Variants in DPP6 observed in about 807,000 individuals in gnomAD.
The protein encoded by DPP6 is A-type potassium channel modulatory protein DPP6.
DPP6 carries 69 observed loss-of-function variants against 122.6 expected under a neutral mutation model. That is an observed-to-expected ratio of 0.56 (90% CI 0.46 to 0.69). The LOEUF (loss-of-function observed/expected upper bound fraction) is 0.69, where lower values mean the gene tolerates loss of function less well. Among genes scored for constraint, DPP6 ranks in the 30% least tolerant of loss-of-function variants. DPP6 has a pLI of 0.00. For missense variants in DPP6, 928 were observed against 1,116.9 expected, an observed-to-expected ratio of 0.83 and a Z score of 2.41; for synonymous variants, 418 against 433.1, an observed-to-expected ratio of 0.97 and a Z score of 0.43.
intron 1 of DPP6, among the ~76,000 whole-genome samples, chr7:154,172,644 A>AGGATGGAC (rs57275590): frequency 0.32 from 47,164 of 147,450 alleles, 8,887 homozygotes; most frequent in African/African-American, 0.54. Context: ...GCTGTGACCC[A>AGGATGGAC]GGATGGACTG....
chr7:154,521,021 T>C (rs1315574576), intron 3 of DPP6, among the ~76,000 whole-genome samples: 3 of 152,228 alleles, frequency 2.0e-5, no homozygotes, highest in Non-Finnish European at 2.9e-5. Flanking sequence ...ATACTTGTTA[T>C]TGATTTGCTC....
At chr7:154,889,400 G>T in intron 24 of DPP6, 56 bp downstream of exon 24, 1 of 1,604,568 alleles carries the variant, frequency 6.2e-7, no homozygotes, top group Non-Finnish European at 8.5e-7. Context: ...CCTCCTTGAT[G>T]GCACCATGGG....
intron 1 of DPP6, among the ~76,000 whole-genome samples, chr7:153,933,162 A>G (rs1423402582): frequency 6.6e-6 from 1 of 152,228 alleles, no homozygotes; most frequent in African/African-American, 2.4e-5. Context: ...TCATAGCAGT[A>G]TGAAAATGGA....
At chr7:154,748,365 C>T (rs767110271) in intron 8 of DPP6, among the ~76,000 whole-genome samples, 9 of 152,178 alleles carry the variant, frequency 5.9e-5, no homozygotes, top group South Asian at 2.1e-4. Flanking sequence ...GAGCTCAGAT[C>T]GGGGGTCTCC....
intron 1 of DPP6, among the ~76,000 whole-genome samples, chr7:154,136,431 G>A (rs934714856): frequency 3.3e-5 from 5 of 152,198 alleles, no homozygotes; most frequent in African/African-American, 1.2e-4. Flanking sequence ...GTTGTTTGTA[G>A]TATGCAGTTT....
intron 1 of DPP6, among the ~76,000 whole-genome samples, chr7:153,966,271 G>GTGTTTGTGCACGTGTTCC (rs1403763782): frequency 1.9e-4 from 29 of 151,442 alleles, no homozygotes; most frequent in Admixed American, 1.7e-3. Context: ...ATTGCTTTGT[G>GTGTTTGTGCACGTGTTCC]TGTTTGTGCA....
At chr7:154,358,331 T>C (rs1192350543) in intron 1 of DPP6, among the ~76,000 whole-genome samples, 1 of 152,188 alleles carries the variant, frequency 6.6e-6, no homozygotes, top group Non-Finnish European at 1.5e-5. Context: ...ACCCAGTCTT[T>C]AGGACTTGAT....
chr7:154,216,467 T>G (rs945959430), intron 1 of DPP6, among the ~76,000 whole-genome samples: 5 of 152,166 alleles, frequency 3.3e-5, no homozygotes, highest in Non-Finnish European at 7.3e-5. Flanking sequence ...GAGCTCATGC[T>G]TGGTCCAAGG....
intron 1 of DPP6, among the ~76,000 whole-genome samples, chr7:154,304,933 G>A (rs2150985257): frequency 1.3e-5 from 2 of 152,270 alleles, no homozygotes; most frequent in South Asian, 4.1e-4. Flanking sequence ...ACCCGGGCGC[G>A]GCGCGGGGCC....
intron 1 of DPP6, among the ~76,000 whole-genome samples, chr7:154,438,322 T>A (rs1448488973): frequency 1.3e-5 from 2 of 151,238 alleles, no homozygotes; most frequent in Admixed American, 1.3e-4. Context: ...ACAAAAAAAT[T>A]AGCCGGGCGT....
intron 1 of DPP6, among the ~76,000 whole-genome samples, chr7:154,274,460 A>T (rs4129924): frequency 0.41 from 62,388 of 151,984 alleles, 14,830 homozygotes; most frequent in Middle Eastern, 0.53. Flanking sequence ...TCAGATCCAT[A>T]CACCCGCCCC....
chr7:154,120,251 T>C (rs1378844474), intron 1 of DPP6, among the ~76,000 whole-genome samples: 5 of 152,040 alleles, frequency 3.3e-5, no homozygotes, highest in African/African-American at 1.2e-4. Context: ...TCTCTTCTTT[T>C]TTTTTTTTTC....
chr7:154,108,075 G>A (rs991994819), intron 1 of DPP6, among the ~76,000 whole-genome samples: 1 of 152,186 alleles, frequency 6.6e-6, no homozygotes, highest in Non-Finnish European at 1.5e-5. Flanking sequence ...ATATAAAGGG[G>A]CACCTTGTCC....
At chr7:154,103,518 G>A (rs1036278874) in intron 1 of DPP6, among the ~76,000 whole-genome samples, 13 of 152,228 alleles carry the variant, frequency 8.5e-5, no homozygotes, top group Non-Finnish European at 1.8e-4. Flanking sequence ...CTGTTGCCGT[G>A]ATGGTGAATG....
chr7:154,300,730 G>A (rs1158981875), intron 1 of DPP6, among the ~76,000 whole-genome samples: 1 of 152,172 alleles, frequency 6.6e-6, no homozygotes. Flanking sequence ...GCTGTTTTCT[G>A]CTGACTGTGA....
chr7:154,427,029 C>G (rs1242124377), intron 1 of DPP6, among the ~76,000 whole-genome samples: 2 of 152,048 alleles, frequency 1.3e-5, no homozygotes, highest in Non-Finnish European at 2.9e-5. Context: ...TTCTTTTAAT[C>G]AGAAATAATT....
At position 154,836,083 on chromosome 7, in the gene DPP6, A is replaced by T. The variant is rs147090314; in HGVS notation, c.1667-17697A>T. 2.6e-5 allele frequency among the ~76,000 whole-genome samples: 4 copies of T among 152,326 alleles called. No homozygotes were observed. The East Asian group carries it at 7.7e-4, about 29-fold the overall frequency. ...CTCCCAAACCTTCCGCTCATTTCTG[A>T]TGCACCAAAGCTGGCCTGAGGCCTA... On this transcript the variant is annotated intron_variant, in intron 16 of 25. Coordinates refer to ENST00000377770, the MANE Select transcript of DPP6 (RefSeq NM_130797.4).
At chr7:154,417,365 G>A (rs1006568572) in intron 1 of DPP6, among the ~76,000 whole-genome samples, 30 of 152,172 alleles carry the variant, frequency 2.0e-4, no homozygotes, top group Non-Finnish European at 3.2e-4. Context: ...GCTAGTCCAC[G>A]TACCAAGCAC....
intron 16 of DPP6, among the ~76,000 whole-genome samples, chr7:154,813,125 G>A (rs1188182707): frequency 2.0e-5 from 3 of 150,976 alleles, no homozygotes; most frequent in African/African-American, 7.3e-5. Context: ...CTGTTGCCCA[G>A]GCTAGAGTAC....
Sources: gnomAD v4.1 joint callset for allele counts (sites outside exome capture counted in the v4.1 genomes callset) on GRCh38, gnomAD v4.1.1 for gene constraint, MANE v1.5 for transcripts, NCBI Gene and HGNC (gene_info 2026-07-23, HGNC 2026-07-21) for gene names.